Variants in MAP3K5 observed in about 807,000 individuals in gnomAD.
MAP3K5 encodes the protein mitogen-activated protein kinase kinase kinase 5.
In MAP3K5, 56 loss-of-function variants were observed where a neutral mutation model predicts 158.7. The ratio of observed to expected loss-of-function variants is 0.35; its 90% CI spans 0.28 to 0.44. The LOEUF (loss-of-function observed/expected upper bound fraction) is 0.44. MAP3K5 is among the 20% of genes least tolerant of loss of function. The pLI is 1.00. For missense variants in MAP3K5, 1,294 were observed against 1,674.8 expected (o/e 0.77, Z 3.97); for synonymous variants, 579 against 601.7 (o/e 0.96, Z 0.55).
chr6:136,583,250 A>G (rs557879327), intron 24 of MAP3K5, among the ~76,000 whole-genome samples: 55 of 152,340 alleles, frequency 3.6e-4, no homozygotes, highest in Non-Finnish European at 6.2e-4. Flanking sequence ...TTACGTTGCT[A>G]AAGTTGTCAA....
intron 1 of MAP3K5, among the ~76,000 whole-genome samples, chr6:136,738,637 T>C (rs1481149585): frequency 6.6e-6 from 1 of 152,188 alleles, no homozygotes; most frequent in Non-Finnish European, 1.5e-5. Context: ...AAATTATTCA[T>C]TTCAAGGAGA....
At chr6:136,615,321 A>T (rs1177870034) in intron 15 of MAP3K5, among the ~76,000 whole-genome samples, 1 of 152,180 alleles carries the variant, frequency 6.6e-6, no homozygotes, top group Non-Finnish European at 1.5e-5. Context: ...CAGAGCAAAA[A>T]CCAAGTGGTT....
chr6:136,560,077 C>T lies in MAP3K5; in HGVS notation c.3988-1201G>A, dbSNP rs200083661. On this transcript the variant is annotated intron_variant, in intron 28 of 29. Transcript: ENST00000359015. ...TTATTTTTAAAATTTAAATATAAAACAAAACAATATTGTATTAAGAGGGTC... is the reference window on the plus strand; with the variant it reads ...TTATTTTTAAAATTTAAATATAAAATAAAACAATATTGTATTAAGAGGGTC... 1.3e-5 allele frequency among the ~76,000 whole-genome samples: 2 copies of T among 151,932 alleles called. 1 individual carries two copies. Among genetic ancestry groups the T allele is most frequent in the East Asian group, 3.9e-4 (2 of 5,162 alleles).
At chr6:136,570,446 G>T (rs1322861037) in intron 25 of MAP3K5, among the ~76,000 whole-genome samples, 4 of 152,098 alleles carry the variant, frequency 2.6e-5, no homozygotes, top group Non-Finnish European at 4.4e-5. Flanking sequence ...CAGATGTGTG[G>T]ATGACAAACT....
At chr6:136,703,207 G>A (rs552323997) in intron 3 of MAP3K5, among the ~76,000 whole-genome samples, 50 of 152,226 alleles carry the variant, frequency 3.3e-4, no homozygotes, top group African/African-American at 1.1e-3. Context: ...CACCTGAAAC[G>A]CAACACCTCT....
At chr6:136,603,600 C>T (rs2129086627) in intron 19 of MAP3K5, among the ~76,000 whole-genome samples, 1 of 152,328 alleles carries the variant, frequency 6.6e-6, no homozygotes, top group South Asian at 2.1e-4. Context: ...ACACTGTAAA[C>T]TGGTGCCACA....
At chr6:136,731,464 G>A (rs778351720) in intron 1 of MAP3K5, among the ~76,000 whole-genome samples, 5 of 152,206 alleles carry the variant, frequency 3.3e-5, no homozygotes, top group Non-Finnish European at 1.5e-5. Flanking sequence ...GGCTTGTGAT[G>A]TGTATGCATG....
chr6:136,786,213 T>C (rs1412752090), intron 1 of MAP3K5, among the ~76,000 whole-genome samples: 1 of 151,926 alleles, frequency 6.6e-6, no homozygotes, highest in Admixed American at 6.6e-5. Flanking sequence ...CTGTCTCTAC[T>C]AATAATACAA....
At chr6:136,607,276 G>A (rs1776141781) in intron 18 of MAP3K5, among the ~76,000 whole-genome samples, 1 of 151,972 alleles carries the variant, frequency 6.6e-6, no homozygotes, top group African/African-American at 2.4e-5. Context: ...GAGTTATAGT[G>A]GATCAAAATT....
At chr6:136,710,563 T>C (rs1781265911) in intron 2 of MAP3K5, among the ~76,000 whole-genome samples, 1 of 152,192 alleles carries the variant, frequency 6.6e-6, no homozygotes, top group Non-Finnish European at 1.5e-5. Flanking sequence ...GGGACAGTGT[T>C]TGAAAAGGTC....
At chr6:136,582,680 T>C (rs1311700032) in intron 24 of MAP3K5, among the ~76,000 whole-genome samples, 1 of 152,206 alleles carries the variant, frequency 6.6e-6, no homozygotes, top group African/African-American at 2.4e-5. Flanking sequence ...ATGTTGCAAA[T>C]AAAATTGTCA....
intron 1 of MAP3K5, among the ~76,000 whole-genome samples, chr6:136,791,258 C>A (rs1785061428): frequency 6.6e-6 from 1 of 152,144 alleles, no homozygotes; most frequent in African/African-American, 2.4e-5. Context: ...TTACACTCTG[C>A]GTGCATGGTA....
At chr6:136,557,962 T>G (rs182665286) in intron 29 of MAP3K5, 144 bp from the exon 30 acceptor site, 3 of 625,374 alleles carry the variant, frequency 4.8e-6, no homozygotes, top group Admixed American at 2.7e-5. Context: ...ATTCTTTTTG[T>G]ATATTTTTTC....
At chr6:136,738,683 A>G (rs1782579806) in intron 1 of MAP3K5, among the ~76,000 whole-genome samples, 1 of 152,156 alleles carries the variant, frequency 6.6e-6, no homozygotes, top group Admixed American at 6.6e-5. Context: ...ATTCGCTTCT[A>G]TATGTATATT....
chr6:136,603,342 T>TA (rs1421432211), intron 19 of MAP3K5, among the ~76,000 whole-genome samples: 2 of 149,772 alleles, frequency 1.3e-5, no homozygotes, highest in Non-Finnish European at 3.0e-5. Context: ...CCCCCTAATT[T>TA]TTTTTTTTTT....
At chr6:136,784,032 G>A (rs1784734173) in intron 1 of MAP3K5, among the ~76,000 whole-genome samples, 1 of 152,210 alleles carries the variant, frequency 6.6e-6, no homozygotes, top group African/African-American at 2.4e-5. Flanking sequence ...AGCCACCAGA[G>A]GGGAACTGCC....
At chr6:136,583,780 T>C (rs1404375758) in intron 23 of MAP3K5, 40 bp from the exon 24 acceptor site, 1 of 1,565,316 alleles carries the variant, frequency 6.4e-7, no homozygotes, top group Admixed American at 1.7e-5. Context: ...CAACATATGC[T>C]GGATATACCT....
intron 11 of MAP3K5, among the ~76,000 whole-genome samples, chr6:136,643,175 C>T (rs1219349747): frequency 6.6e-6 from 1 of 152,002 alleles, no homozygotes; most frequent in African/African-American, 2.4e-5. Context: ...GATTGTCATA[C>T]TATAAACATG....
Position 136,592,602 on chromosome 6 carries a change from C to T in MAP3K5, c.2891G>A (p.Ser964Asn). The T allele has an allele frequency of 6.2e-7, 1 of 1,613,610 alleles. No homozygotes were observed. The highest frequency in any genetic ancestry group is 8.5e-7 in the Non-Finnish European group (1 of 1,179,660). ...CAGCACAGGTACCGGCAAGGATATA[C>T]TCCTGAGATATTCTGCTTGTGATGA... ...LSAGSNEYLR[S>N]ISLPVPVLVE... Residue 964 changes from serine to asparagine, a missense_variant, in exon 22 of 30, where the codon AGT becomes AAT. Coordinates refer to ENST00000359015, the MANE Select transcript of MAP3K5 (RefSeq NM_005923.4).
Sources: allele counts gnomAD v4.1 joint callset (sites outside exome capture counted in the v4.1 genomes callset), GRCh38; gene constraint gnomAD v4.1.1; transcripts MANE v1.5; gene names NCBI Gene and HGNC (gene_info 2026-07-23, HGNC 2026-07-21).